Variants in SLC31A1 observed in about 807,000 individuals in gnomAD.
SLC31A1 encodes the protein solute carrier family 31 member 1.
Under a neutral mutation model 17.2 loss-of-function variants are expected in SLC31A1, and 5 were observed. The ratio of observed to expected loss-of-function variants is 0.29; its 90% CI spans 0.15 to 0.61. SLC31A1 has a LOEUF of 0.61. SLC31A1 is among the 20% of genes least tolerant of loss of function. The pLI is 0.86. For missense variants in SLC31A1, 161 were observed against 241.4 expected (o/e 0.67, Z 2.21); for synonymous variants, 76 against 78.8 (o/e 0.96, Z 0.19).
At chr9:113,248,617 C>T (rs1442659636) in intron 1 of SLC31A1, among the ~76,000 whole-genome samples, 9 of 151,486 alleles carry the variant, frequency 5.9e-5, no homozygotes, top group Non-Finnish European at 1.0e-4. Flanking sequence ...TACAGGTGCC[C>T]GCCACCACAC....
At chr9:113,241,175 C>T (rs1198829187) in intron 1 of SLC31A1, among the ~76,000 whole-genome samples, 1 of 152,048 alleles carries the variant, frequency 6.6e-6, no homozygotes, top group African/African-American at 2.4e-5. Flanking sequence ...ACTTAAATGC[C>T]ACATAGTGAG....
rs371715162 is a variant in SLC31A1 at position 113,257,009 on chromosome 9, A to G, written c.130-104A>G. 26 of 953,424 alleles carry G rather than the reference A, an allele frequency of 2.7e-5. No homozygotes were observed. The African/African-American group carries it at 3.7e-4, about 14-fold the overall frequency. The allele number at this position is 953,424 out of a possible 1,614,324, so 59.1% of individuals were successfully genotyped here. A position where few individuals can be genotyped will look rare whatever the true frequency, so the allele number is the denominator to read the frequency against. On this transcript the variant is annotated intron_variant, in intron 2 of 4. Transcript: ENST00000374212. Reference sequence around the variant, plus strand: ...CCTCCCACTCACGTGAATGTCTCTTATTATCCAGATCTTCTACTTTTAAAT... The same window carrying G: ...CCTCCCACTCACGTGAATGTCTCTTGTTATCCAGATCTTCTACTTTTAAAT...
rs1831756736 is a variant in SLC31A1, at chr9:113,258,789, A to G, written c.298A>G (p.Ser100Gly). 1 of 1,614,126 alleles carries G rather than the reference A, an allele frequency of 6.2e-7. No individual in the cohort carries two copies. Among genetic ancestry groups the G allele is most frequent in the African/African-American group, 1.3e-5 (1 of 74,950 alleles). Residue 100 changes from serine (S) to glycine (G), a missense_variant, in exon 4 of 5, where the codon AGC (serine) becomes GGC (glycine). By Grantham distance (56) the Ser-to-Gly change is moderately conservative. Coordinates refer to ENST00000374212, the MANE Select transcript of SLC31A1 (RefSeq NM_001859.4). This position sits in a 1 kb window ranked among gnomAD's most constrained non-coding sequence, Gnocchi z 4.8. The part of the protein sequence containing the change: ...RESLLRKSQV[S>G]IRYNSMPVPG... ...GAGCCTGCTGCGTAAGTCACAAGTC[A>G]GCATTCGCTACAATTCCATGCCTGT...
chr9:113,222,493 A>G (rs928426318), intron 1 of SLC31A1, among the ~76,000 whole-genome samples: 2 of 152,186 alleles, frequency 1.3e-5, no homozygotes, highest in African/African-American at 4.8e-5. Context: ...GGCTTAGACA[A>G]GGTGTGGCTA....
Position 113,260,857 on chromosome 9 carries a change from G to GT in SLC31A1, c.*390dup, listed in dbSNP as rs766594560. On this transcript the variant is annotated 3_prime_UTR_variant, in exon 5 of 5. Transcript: ENST00000374212. The stretch of plus-strand genomic sequence containing the variant: ...TAACAGATAGTAAGTAAATTTGGTG[G>GT]TTTTTTCCCCTGGGTCAGTGATGGA... The GT allele has an allele frequency of 2.7e-4, 84 of 314,472 alleles. 1 individual carries two copies. Among genetic ancestry groups the GT allele is most frequent in the Non-Finnish European group, 4.2e-4 (67 of 161,052 alleles). The allele number at this position is 314,472 out of a possible 1,614,324, so 19.5% of individuals were successfully genotyped here.
intron 1 of SLC31A1, chr9:113,227,485 C>G (rs1587986516): frequency 1.3e-5 from 2 of 152,236 alleles, no homozygotes; most frequent in East Asian, 3.8e-4. Context: ...AACTCCTGAG[C>G]TTAAGCAGTC....
intron 1 of SLC31A1, among the ~76,000 whole-genome samples, chr9:113,242,175 C>T (rs1445089342): frequency 2.6e-5 from 4 of 151,320 alleles, no homozygotes; most frequent in Non-Finnish European, 4.4e-5. Context: ...GGTGACACAG[C>T]GAGACTCCGT....
At chr9:113,242,341 C>T (rs1329723829) in intron 1 of SLC31A1, among the ~76,000 whole-genome samples, 1 of 152,106 alleles carries the variant, frequency 6.6e-6, no homozygotes, top group African/African-American at 2.4e-5. Flanking sequence ...AACTTTTGGC[C>T]ATTGGACTTG....
At chr9:113,248,300 G>A (rs1831606046) in intron 1 of SLC31A1, among the ~76,000 whole-genome samples, 1 of 151,824 alleles carries the variant, frequency 6.6e-6, no homozygotes, top group Non-Finnish European at 1.5e-5. Flanking sequence ...CTCCAGCCTG[G>A]GTGACAGAGA....
rs144654868 is a variant in SLC31A1, at chr9:113,223,226, A to T, written c.-36+1548A>T. 216 of 454,126 alleles carry T rather than the reference A, an allele frequency of 4.8e-4. 1 individual carries two copies. Among genetic ancestry groups the T allele is most frequent in the African/African-American group, 3.7e-3 (183 of 49,992 alleles). The allele number at this position is 454,126 out of a possible 1,614,324, so 28.1% of individuals were successfully genotyped here. On this transcript the variant is annotated intron_variant, in intron 1 of 4. Coordinates refer to ENST00000374212, the MANE Select transcript of SLC31A1 (RefSeq NM_001859.4). Reference sequence around the variant, plus strand: ...CATCACGAACATGCATACGCAGATTATCACTGTAGAAACACAGCTGCTGAT... The same window carrying T: ...CATCACGAACATGCATACGCAGATTTTCACTGTAGAAACACAGCTGCTGAT...
At chr9:113,222,120 G>T (rs1187943773) in intron 1 of SLC31A1, among the ~76,000 whole-genome samples, 1 of 152,182 alleles carries the variant, frequency 6.6e-6, no homozygotes, top group Non-Finnish European at 1.5e-5. Flanking sequence ...GTGAGCTAGT[G>T]GGTGAACAAG....
chr9:113,221,632 T>G lies in SLC31A1; in HGVS notation c.-82T>G. ...GAAGAGTCGTGAGGGGGTGACGGGT[T>G]AAGATTCGGAGAGAGAGGTGCTAGT... On this transcript the variant is annotated 5_prime_UTR_variant, in exon 1 of 5. Coordinates refer to ENST00000374212, the MANE Select transcript of SLC31A1 (RefSeq NM_001859.4). The G allele has an allele frequency of 5.6e-6, 2 of 359,664 alleles. No individual in the cohort carries two copies. Among genetic ancestry groups the G allele is most frequent in the South Asian group, 4.5e-5 (2 of 44,370 alleles). The allele number at this position is 359,664 out of a possible 1,614,324, so 22.3% of individuals were successfully genotyped here. A position where few individuals can be genotyped will look rare whatever the true frequency, so the allele number is the denominator to read the frequency against.
chr9:113,230,689 C>G (rs1831392889), intron 1 of SLC31A1, among the ~76,000 whole-genome samples: 1 of 152,148 alleles, frequency 6.6e-6, no homozygotes, highest in Non-Finnish European at 1.5e-5. Context: ...AAACATTTAT[C>G]ATTTCTTTAT....
chr9:113,225,433 G>A (rs1831329488), intron 1 of SLC31A1, among the ~76,000 whole-genome samples: 1 of 152,186 alleles, frequency 6.6e-6, no homozygotes, highest in Non-Finnish European at 1.5e-5. Flanking sequence ...GCTTAGGAGT[G>A]TATGAAGTAA....
At chr9:113,230,907 C>T (rs1831395492) in intron 1 of SLC31A1, among the ~76,000 whole-genome samples, 1 of 152,106 alleles carries the variant, frequency 6.6e-6, no homozygotes, top group Non-Finnish European at 1.5e-5. Context: ...GTACAATAAG[C>T]CATTTGTGAA....
At chr9:113,237,168 C>T (rs2118992592) in intron 1 of SLC31A1, among the ~76,000 whole-genome samples, 1 of 152,320 alleles carries the variant, frequency 6.6e-6, no homozygotes, top group South Asian at 2.1e-4. Flanking sequence ...TTTCACCCCA[C>T]TTAGAGCCAC....
Position 113,260,526 on chromosome 9 carries a change from C to A in SLC31A1, c.*53C>A. ...GATTGCAGTGGGAAGTTGTTGAAGA[C>A]TTGAAGACGTGATTCCTGCTCCAAT... On this transcript the variant is annotated 3_prime_UTR_variant, in exon 5 of 5. Transcript: ENST00000374212. The A allele has an allele frequency of 1.4e-6, 2 of 1,462,272 alleles. No individual in the cohort carries two copies. Among genetic ancestry groups the A allele is most frequent in the Non-Finnish European group, 1.9e-6 (2 of 1,052,792 alleles). The allele number at this position is 1,462,272 out of a possible 1,614,324, so 90.6% of individuals were successfully genotyped here. A position where few individuals can be genotyped will look rare whatever the true frequency, so the allele number is the denominator to read the frequency against.
intron 1 of SLC31A1, among the ~76,000 whole-genome samples, chr9:113,243,195 T>C (rs1382414488): frequency 6.6e-6 from 1 of 152,196 alleles, no homozygotes; most frequent in Non-Finnish European, 1.5e-5. Flanking sequence ...CAATGTAGTA[T>C]ATGTCACCTG....
At chr9:113,252,240 T>C (rs1376528423) in intron 1 of SLC31A1, among the ~76,000 whole-genome samples, 6 of 152,220 alleles carry the variant, frequency 3.9e-5, no homozygotes, top group African/African-American at 1.4e-4. Flanking sequence ...ATTAATGTTA[T>C]AAAGGTTCAT....
Sources: allele counts gnomAD v4.1 joint callset (sites outside exome capture counted in the v4.1 genomes callset), GRCh38; gene constraint gnomAD v4.1.1; non-coding constraint Gnocchi (gnomAD v3.1); transcripts MANE v1.5; gene names NCBI Gene and HGNC (gene_info 2026-07-23, HGNC 2026-07-21).